The following HCK variants were observed in gnomAD, a reference collection of about 807,000 sequenced individuals.
HCK encodes tyrosine-protein kinase HCK.
HCK carries 40 observed loss-of-function variants against 70.4 expected under a neutral mutation model. The ratio of observed to expected loss-of-function variants is 0.57; its 90% confidence interval spans 0.44 to 0.74. The LOEUF (loss-of-function observed/expected upper bound fraction) is 0.74, where lower values mean the gene tolerates loss of function less well. Among genes scored for constraint, HCK ranks in the 30% least tolerant of loss-of-function variants. HCK has a pLI of 0.00. For missense variants in HCK, 568 were observed against 697.2 expected (o/e 0.81, Z 2.09); for synonymous variants, 245 against 263.2 (o/e 0.93, Z 0.67).
At chr20:32,052,533 T>TC in intron 1 of HCK, 47 bp downstream of exon 1, 1 of 1,233,176 alleles carries the variant, frequency 8.1e-7, no homozygotes, top group African/African-American at 1.6e-5. Context: ...CCGCGAGGGG[T>TC]CCCAGGAGGC....
intron 12 of HCK, among the ~76,000 whole-genome samples, chr20:32,100,406 C>T (rs890826337): frequency 3.9e-5 from 6 of 152,166 alleles, no homozygotes; most frequent in Admixed American, 3.3e-4. Context: ...GACTGGCATA[C>T]GTTGATGAAC....
At chr20:32,098,017 A>AT (rs1477962299) in intron 11 of HCK, among the ~76,000 whole-genome samples, 2 of 148,646 alleles carry the variant, frequency 1.3e-5, no homozygotes, top group African/African-American at 5.1e-5. Flanking sequence ...GTCTCTACAA[A>AT]TTTTTCTATT....
intron 1 of HCK, among the ~76,000 whole-genome samples, chr20:32,060,216 TTTTG>T (rs2045347778): frequency 6.6e-6 from 1 of 152,054 alleles, no homozygotes; most frequent in Non-Finnish European, 1.5e-5. Flanking sequence ...TTGGTTTTCT[TTTTG>T]TTTGTTTGTT....
intron 1 of HCK, among the ~76,000 whole-genome samples, chr20:32,053,627 G>C (rs2045216638): frequency 9.2e-6 from 1 of 108,986 alleles, no homozygotes. Context: ...GACAGAGAGA[G>C]ACTCTGTCTC....
At chr20:32,065,381 T>C (rs2122500117) in intron 1 of HCK, among the ~76,000 whole-genome samples, 1 of 152,304 alleles carries the variant, frequency 6.6e-6, no homozygotes, top group Admixed American at 6.5e-5. Flanking sequence ...CCAACTCAAA[T>C]TGGCTTAAGC....
intron 1 of HCK, among the ~76,000 whole-genome samples, chr20:32,055,958 T>A (rs1488965369): frequency 6.6e-6 from 1 of 152,236 alleles, no homozygotes; most frequent in Admixed American, 6.5e-5. Context: ...CCACTTAACA[T>A]AATGTTTTCC....
intron 1 of HCK, among the ~76,000 whole-genome samples, chr20:32,059,279 T>TCTTCTTC (rs1555874036): frequency 6.9e-6 from 1 of 145,960 alleles, no homozygotes; most frequent in Non-Finnish European, 1.5e-5. Context: ...AATGTTTTAA[T>TCTTCTTC]CTTCCTTCCT....
At chr20:32,092,979 C>T (rs2045884024) in intron 10 of HCK, among the ~76,000 whole-genome samples, 1 of 152,122 alleles carries the variant, frequency 6.6e-6, no homozygotes, top group Non-Finnish European at 1.5e-5. Flanking sequence ...GAGTCTTGCT[C>T]TGTCGCCCAG....
At chr20:32,092,648 T>C (rs573371533) in intron 10 of HCK, among the ~76,000 whole-genome samples, 1 of 152,200 alleles carries the variant, frequency 6.6e-6, no homozygotes, top group Non-Finnish European at 1.5e-5. Flanking sequence ...CCTCCTCTCC[T>C]GACCTACAAG....
chr20:32,091,855 T>C (rs1448300973), intron 10 of HCK, among the ~76,000 whole-genome samples: 3 of 151,654 alleles, frequency 2.0e-5, no homozygotes, highest in African/African-American at 7.3e-5. Flanking sequence ...CATAGTGGCA[T>C]GCACCTATAG....
intron 1 of HCK, among the ~76,000 whole-genome samples, chr20:32,055,859 A>T (rs1406921911): frequency 6.6e-6 from 1 of 152,088 alleles, no homozygotes; most frequent in Non-Finnish European, 1.5e-5. Context: ...GGCAACCACC[A>T]ATCTGCTTTT....
chr20:32,071,946 C>T (rs2045547002), intron 2 of HCK, 164 bp downstream of exon 2: 3 of 808,928 alleles, frequency 3.7e-6, no homozygotes, highest in African/African-American at 1.7e-5. Context: ...GACGCAGCGC[C>T]AGCCAGCATG....
intron 1 of HCK, among the ~76,000 whole-genome samples, chr20:32,063,393 C>T (rs537501816): frequency 1.3e-5 from 2 of 152,174 alleles, no homozygotes; most frequent in Non-Finnish European, 2.9e-5. Flanking sequence ...GCTGGGAATA[C>T]AGGCACATGC....
chr20:32,059,505 C>T (rs2045333862), intron 1 of HCK, among the ~76,000 whole-genome samples: 1 of 35,954 alleles, frequency 2.8e-5, no homozygotes, highest in African/African-American at 1.1e-4. Context: ...TTCTCTCTCT[C>T]TCTCTCTTTT....
At chr20:32,089,664 C>A (rs532526261) in intron 10 of HCK, among the ~76,000 whole-genome samples, 1 of 152,334 alleles carries the variant, frequency 6.6e-6, no homozygotes, top group East Asian at 1.9e-4. Context: ...CCTCTCACCC[C>A]CAGCCTAAGC....
At chr20:32,089,156 G>A (rs2045830778) in intron 10 of HCK, among the ~76,000 whole-genome samples, 1 of 152,250 alleles carries the variant, frequency 6.6e-6, no homozygotes, top group South Asian at 2.1e-4. Context: ...TTCATGAGCA[G>A]GCTCTCATTA....
chr20:32,059,462 T>TTCC (rs1234039285), intron 1 of HCK, among the ~76,000 whole-genome samples: 2 of 149,074 alleles, frequency 1.3e-5, no homozygotes, highest in Non-Finnish European at 3.0e-5. Flanking sequence ...CTTCTTTCCC[T>TTCC]TCCTCCTCCT....
chr20:32,083,809 T>C lies in HCK; in HGVS notation c.533-85T>C. The C allele has an allele frequency of 1.3e-6, 2 of 1,512,754 alleles. 1 individual carries two copies. Among genetic ancestry groups the C allele is most frequent in the South Asian group, 2.3e-5 (2 of 88,690 alleles). 93.7% of individuals were successfully genotyped at this position (1,512,754 alleles called of 1,614,324 possible). A position where few individuals can be genotyped will look rare whatever the true frequency, so the allele number is the denominator to read the frequency against. ...CCAGGTGTCAGGACGGTGCCAGCGGTAGCCTTACAGGGTGTCAGAGTGCTA... is the reference window on the plus strand; with the variant it reads ...CCAGGTGTCAGGACGGTGCCAGCGGCAGCCTTACAGGGTGTCAGAGTGCTA... On this transcript the variant is annotated intron_variant, in intron 6 of 12. Transcript: ENST00000375852.
At chr20:32,094,825 GAAAGAAAGAAAGAAAGAAAGAAAGAAA>G (rs2045930715) in intron 11 of HCK, among the ~76,000 whole-genome samples, 1 of 141,954 alleles carries the variant, frequency 7.0e-6, no homozygotes, top group African/African-American at 2.6e-5. Context: ...AAGAAAGAAA[GAAAGAAAGAAAGAAAGAAAGAAAGAAA>G]AGAAAGAAAG....
Sources: allele counts gnomAD v4.1 joint callset (sites outside exome capture counted in the v4.1 genomes callset), GRCh38; gene constraint gnomAD v4.1.1; transcripts MANE v1.5; gene names NCBI Gene and HGNC (gene_info 2026-07-23, HGNC 2026-07-21).